The following NHLRC2 variants were observed in gnomAD, a reference collection of about 807,000 sequenced individuals.
NHLRC2 encodes the protein NHL repeat containing 2, also known as NHL repeat-containing protein 2.
NHLRC2 carries 33 observed loss-of-function variants against 68.1 expected under a neutral mutation model. The ratio of observed to expected loss-of-function variants is 0.48; its 90% CI spans 0.37 to 0.65. NHLRC2 has a LOEUF of 0.65. NHLRC2 is among the 30% of genes least tolerant of loss of function. NHLRC2 has a pLI of 0.00. For missense variants in NHLRC2, 761 were observed against 853.8 expected, an observed-to-expected ratio of 0.89 and a Z score of 1.35; for synonymous variants, 311 against 309.6, an observed-to-expected ratio of 1.00 and a Z score of -0.05.
Position 113,879,646 on chromosome 10 carries a change from T to C in NHLRC2, c.860T>C (p.Met287Thr). 1 of 1,564,400 alleles carries C rather than the reference T, an allele frequency of 6.4e-7. No individual in the cohort carries two copies. Among genetic ancestry groups the C allele is most frequent in the East Asian group, 2.3e-5 (1 of 44,124 alleles). ...AATTCTCCACAGGGTGTAGCCATAA[T>C]GAATAATATCATATATGTGGCAGAC... is the stretch of plus-strand genomic sequence containing the variant. ...TFNSPQGVAI[M>T]NNIIYVADTE... The change falls in exon 4 of 11, where the codon ATG (methionine) becomes ACG (threonine). Residue 287 changes from methionine to threonine, a missense_variant. Met to Thr is a moderately conservative substitution (Grantham distance 81). Transcript: ENST00000369301.
intron 1 of NHLRC2, among the ~76,000 whole-genome samples, chr10:113,855,589 T>A (rs974931511): frequency 6.6e-6 from 1 of 152,158 alleles, no homozygotes; most frequent in Non-Finnish European, 1.5e-5. Flanking sequence ...TGCCTCAGCC[T>A]CCGGAGTAGC....
chr10:113,908,723 T>C lies in NHLRC2; in HGVS notation c.*187T>C, dbSNP rs1172583907. On this transcript the variant is annotated 3_prime_UTR_variant, in exon 11 of 11. Transcript: ENST00000369301. ...ACTTCTTTTATTATAAACAAATTCC[T>C]TTGCTTTGGCTGATACTAGCTGAGT... The C allele has an allele frequency of 5.0e-6, 3 of 601,442 alleles. No individual in the cohort carries two copies. Among genetic ancestry groups the C allele is most frequent in the Non-Finnish European group, 8.7e-6 (3 of 344,562 alleles). The allele number at this position is 601,442 out of a possible 1,614,324, so 37.3% of individuals were successfully genotyped here.
chr10:113,858,486 CTTT>C (rs1433665594), intron 1 of NHLRC2, 39 bp from the exon 2 acceptor site: 2 of 1,411,388 alleles, frequency 1.4e-6, no homozygotes, highest in Non-Finnish European at 2.0e-6. Flanking sequence ...TAAATTTTAT[CTTT>C]CTCTTTAATC....
At chr10:113,900,922 C>A (rs566476304) in intron 6 of NHLRC2, among the ~76,000 whole-genome samples, 2 of 152,262 alleles carry the variant, frequency 1.3e-5, no homozygotes, top group African/African-American at 4.8e-5. Flanking sequence ...CTTCCCTCAA[C>A]ACAACACACT....
intron 4 of NHLRC2, among the ~76,000 whole-genome samples, chr10:113,882,423 T>C (rs1303405920): frequency 6.6e-6 from 1 of 151,834 alleles, no homozygotes; most frequent in East Asian, 1.9e-4. Flanking sequence ...CATCTCATTG[T>C]GGTTTTGATA....
intron 2 of NHLRC2, among the ~76,000 whole-genome samples, chr10:113,874,557 A>C (rs1323688380): frequency 4.2e-5 from 6 of 144,280 alleles, no homozygotes; most frequent in Non-Finnish European, 9.1e-5. Flanking sequence ...AATGTATTTT[A>C]TTTTGTGTGT....
rs180944284 is a variant in NHLRC2, at chr10:113,914,225, G to T, written c.*5689G>T. On this transcript the variant is annotated 3_prime_UTR_variant, in exon 11 of 11. Transcript: ENST00000369301. ...ATGGAGTTTTGCTCTTGTTGCCCAG[G>T]CTGGAGTGCCATGGCAACACAGCCT... The T allele has an allele frequency of 4.6e-5, 7 of 153,028 alleles. No individual in the cohort carries two copies. The Admixed American group carries it at 4.6e-4, about 10-fold the overall frequency. The allele number at this position is 153,028 out of a possible 1,614,324, so 9.5% of individuals were successfully genotyped here. A position where few individuals can be genotyped will look rare whatever the true frequency, so the allele number is the denominator to read the frequency against.
At chr10:113,893,617 T>C (rs981901645) in intron 5 of NHLRC2, among the ~76,000 whole-genome samples, 2 of 152,102 alleles carry the variant, frequency 1.3e-5, no homozygotes, top group African/African-American at 4.8e-5. Context: ...TGCTGCTGCT[T>C]CTCTACTTTT....
intron 2 of NHLRC2, among the ~76,000 whole-genome samples, chr10:113,867,105 A>C (rs1339443090): frequency 2.0e-5 from 3 of 152,242 alleles, no homozygotes; most frequent in African/African-American, 7.2e-5. Flanking sequence ...GAAGGAAAGC[A>C]GGTATTCAGT....
Position 113,908,302 on chromosome 10 carries a change from A to G in NHLRC2, c.1947A>G (p.Gly649=), listed in dbSNP as rs756319467. Residue 649 remains glycine, a synonymous_variant, in exon 11 of 11, where the codon GGA becomes GGG. Transcript: ENST00000369301. ...TAGGCAATGAATGGCTACTTCAAGG[A>G]CAGATAGCAGCTGGAGATATAGAGA... ...TAEGNEWLLQ[G]QIAAGDIENI... The G allele has an allele frequency of 6.8e-6, 11 of 1,613,534 alleles. No homozygotes were observed. In the East Asian group the frequency reaches 2.2e-4, roughly 33 times the overall value.
chr10:113,908,018 A>G (rs1394656770), intron 10 of NHLRC2, among the ~76,000 whole-genome samples: 1 of 152,186 alleles, frequency 6.6e-6, no homozygotes, highest in Non-Finnish European at 1.5e-5. Context: ...CTTGATTTTA[A>G]TAAGAGTAAA....
chr10:113,855,165 G>A, intron 1 of NHLRC2, 115 bp downstream of exon 1: 1 of 916,404 alleles, frequency 1.1e-6, no homozygotes, highest in Non-Finnish European at 1.7e-6. Context: ...GCCCCGGGGA[G>A]TGGCCCTTCG....
rs1315615598 is a variant in NHLRC2 at position 113,912,299 on chromosome 10, C to T, written c.*3763C>T. 1 of 152,146 alleles carries T rather than the reference C, an allele frequency of 6.6e-6. No homozygotes were observed. The allele number at this position is 152,146 out of a possible 1,614,324, so 9.4% of individuals were successfully genotyped here. A position where few individuals can be genotyped will look rare whatever the true frequency, so the allele number is the denominator to read the frequency against. ...TGTAATGATAATTTGGGACCATAAA[C>T]ACATATCACCCTACATTTTCTTTGC... On this transcript the variant is annotated 3_prime_UTR_variant, in exon 11 of 11. Transcript: ENST00000369301.
At chr10:113,891,848 G>A (rs1846135735) in intron 5 of NHLRC2, among the ~76,000 whole-genome samples, 1 of 152,186 alleles carries the variant, frequency 6.6e-6, no homozygotes, top group African/African-American at 2.4e-5. Flanking sequence ...GAAAGGATGT[G>A]GGGAGCTTTT....
At position 113,915,181 on chromosome 10, in the gene NHLRC2, T is replaced by G. The variant is rs1184193810; in HGVS notation, c.*6645T>G. 2 of 456,318 alleles carry G rather than the reference T, an allele frequency of 4.4e-6. No individual in the cohort carries two copies. The highest frequency in any genetic ancestry group is 3.1e-5 in the South Asian group (2 of 64,570). 28.3% of individuals were successfully genotyped at this position (456,318 alleles called of 1,614,324 possible). A position where few individuals can be genotyped will look rare whatever the true frequency, so the allele number is the denominator to read the frequency against. Reference sequence around the variant, plus strand: ...TCTTCACTGGCATGTCGCTTTCAAGTGTACCAAAGGACATTTTGTTCTGTT... The same window carrying G: ...TCTTCACTGGCATGTCGCTTTCAAGGGTACCAAAGGACATTTTGTTCTGTT... On this transcript the variant is annotated 3_prime_UTR_variant, in exon 11 of 11. Transcript: ENST00000369301.
intron 2 of NHLRC2, among the ~76,000 whole-genome samples, chr10:113,868,269 C>G (rs560845679): frequency 6.6e-6 from 1 of 152,162 alleles, no homozygotes; most frequent in Non-Finnish European, 1.5e-5. Context: ...CCTCTTCTCT[C>G]CCTCTTTCCT....
In NHLRC2 at chr10:113,884,207, A is replaced by G. The variant is rs1453453378; in HGVS notation, c.910-44A>G. The G allele has an allele frequency of 1.9e-6, 3 of 1,579,432 alleles. No individual in the cohort carries two copies. The South Asian group carries it at 3.4e-5, about 18-fold the overall frequency. On this transcript the variant is annotated intron_variant, in intron 4 of 10. Transcript: ENST00000369301. ...CTTTACACAGCAAAAGACAAAAGCA[A>G]AAGTAACATTCATTGCATAAAACCA...
intron 4 of NHLRC2, among the ~76,000 whole-genome samples, chr10:113,880,772 T>C (rs566333224): frequency 1.3e-5 from 2 of 152,036 alleles, no homozygotes; most frequent in African/African-American, 4.8e-5. Context: ...TCAACAGATA[T>C]TTGTTGGATG....
In NHLRC2 at chr10:113,911,280, G is replaced by T. The variant is rs1271737119; in HGVS notation, c.*2744G>T. ...GGTAGAATTTCTTGATATGATTCTT[G>T]TAAAGAGTTTAGCTTATCTTGAACA... is the stretch of plus-strand genomic sequence containing the variant. On this transcript the variant is annotated 3_prime_UTR_variant, in exon 11 of 11. Transcript: ENST00000369301. 3 of 151,864 alleles carry T rather than the reference G, an allele frequency of 2.0e-5. No homozygotes were observed. The highest frequency in any genetic ancestry group is 2.4e-5 in the African/African-American group (1 of 41,346). The allele number at this position is 151,864 out of a possible 1,614,324, so 9.4% of individuals were successfully genotyped here. A position where few individuals can be genotyped will look rare whatever the true frequency, so the allele number is the denominator to read the frequency against.
Sources: allele counts gnomAD v4.1 joint callset (sites outside exome capture counted in the v4.1 genomes callset), GRCh38; gene constraint gnomAD v4.1.1; transcripts MANE v1.5; gene names NCBI Gene and HGNC (gene_info 2026-07-23, HGNC 2026-07-21).